Variants in FAM118A observed in about 807,000 individuals in gnomAD.
The protein encoded by FAM118A is protein FAM118A.
Under a neutral mutation model 38.2 loss-of-function variants are expected in FAM118A, and 25 were observed. That is an observed-to-expected ratio of 0.65 (90% confidence interval 0.48 to 0.91). The LOEUF is 0.91. FAM118A is among the 40% of genes least tolerant of loss of function. The pLI is 0.00. For missense variants in FAM118A, 425 were observed against 463.3 expected (o/e 0.92, Z 0.76); for synonymous variants, 178 against 184.1 (o/e 0.97, Z 0.27).
intron 8 of FAM118A, among the ~76,000 whole-genome samples, chr22:45,337,397 T>A (rs918250425): frequency 6.6e-6 from 1 of 152,232 alleles, no homozygotes; most frequent in African/African-American, 2.4e-5. Flanking sequence ...GTGTCCTCAA[T>A]GTCAGGGTCA....
chr22:45,320,571 G>A (rs979251896), intron 1 of FAM118A, among the ~76,000 whole-genome samples: 1 of 151,972 alleles, frequency 6.6e-6, no homozygotes, highest in African/African-American at 2.4e-5. Context: ...AAGTAGCTGG[G>A]ACTACAGATG....
rs183852501 is a variant in FAM118A, at chr22:45,327,898, C to T, written c.357C>T (p.Asp119=). Residue 119 remains aspartate (D), a synonymous_variant, in exon 4 of 9, where the codon GAC becomes GAT. Transcript: ENST00000441876. Reference sequence around the variant, plus strand: ...AGGACTGCCTGATGGAGGTGTTTGACGACCTGGAGCAGCACATCCGGAGTC... The same window carrying T: ...AGGACTGCCTGATGGAGGTGTTTGATGACCTGGAGCAGCACATCCGGAGTC... ...FFQDCLMEVF[D]DLEQHIRSPV... The T allele has an allele frequency of 9.7e-5, 157 of 1,614,232 alleles. 1 individual carries two copies. In the East Asian group the frequency reaches 1.2e-3, roughly 12 times the overall value.
intron 5 of FAM118A, among the ~76,000 whole-genome samples, chr22:45,332,023 T>A (rs771348247): frequency 4.6e-5 from 7 of 152,250 alleles, no homozygotes; most frequent in Non-Finnish European, 7.3e-5. Context: ...AAACATTTAC[T>A]GTCCTCATTT....
chr22:45,332,623 A>G lies in FAM118A; in HGVS notation c.850A>G (p.Lys284Glu). Residue 284 changes from lysine (K) to glutamate (E), a missense_variant, in exon 6 of 9, where the codon AAA becomes GAA. By Grantham distance (56) the Lys-to-Glu change is moderately conservative. Coordinates refer to ENST00000441876, the MANE Select transcript of FAM118A (RefSeq NM_017911.4). ...HQADMLLHGI[K>E]VVSYGDCFDH... ...GGCAGATATGCTTCTGCACGGAATCAAAGTTGTATCCTACGGGGACTGTTT... is the reference window on the plus strand; with the variant it reads ...GGCAGATATGCTTCTGCACGGAATCGAAGTTGTATCCTACGGGGACTGTTT... The G allele has an allele frequency of 1.9e-6, 3 of 1,614,230 alleles. No homozygotes were observed. Among genetic ancestry groups the G allele is most frequent in the Non-Finnish European group, 2.5e-6 (3 of 1,180,038 alleles).
chr22:45,316,643 T>C (rs1164736864), intron 1 of FAM118A, among the ~76,000 whole-genome samples: 1 of 152,190 alleles, frequency 6.6e-6, no homozygotes, highest in Non-Finnish European at 1.5e-5. Context: ...CCACCCTGGC[T>C]ACACTGATTA....
Position 45,330,647 on chromosome 22 carries a change from C to T in FAM118A, c.567C>T (p.His189=). ...GGCACATGAAGTACGGCGTCCTCCA[C>T]ATTCACGGCCTCTACACGGACCCCT... The part of the protein sequence containing the change: ...ARGHMKYGVL[H]IHGLYTDPCG... The change falls in exon 5 of 9, where the codon CAC becomes CAT. Residue 189 remains histidine (H), a synonymous_variant. Transcript: ENST00000441876. 1 of 1,592,294 alleles carries T rather than the reference C, an allele frequency of 6.3e-7. No individual in the cohort carries two copies. The highest frequency in any genetic ancestry group is 1.1e-5 in the South Asian group (1 of 87,672).
In FAM118A at chr22:45,330,594, G is replaced by C; in HGVS notation, c.523-9G>C. 6.5e-7 allele frequency: 1 copy of C among 1,526,828 alleles called. No homozygotes were observed. The highest frequency in any genetic ancestry group is 8.8e-7 in the Non-Finnish European group (1 of 1,140,624). 94.6% of individuals were successfully genotyped at this position (1,526,828 alleles called of 1,614,324 possible). Reference sequence around the variant, plus strand: ...ATGTGTTTCTTTTTCTTGGCTTGATGTTTGGTAGGTCCTTGAATGGGCAAG... The same window carrying C: ...ATGTGTTTCTTTTTCTTGGCTTGATCTTTGGTAGGTCCTTGAATGGGCAAG... On this transcript the variant is annotated splice_polypyrimidine_tract_variant and intron_variant, in intron 4 of 8. Coordinates refer to ENST00000441876, the MANE Select transcript of FAM118A (RefSeq NM_017911.4).
upstream of FAM118A, chr22:45,309,481 G>C (rs1321170316): frequency 6.6e-6 from 1 of 152,408 alleles, no homozygotes; most frequent in Non-Finnish European, 1.5e-5. Flanking sequence ...CTGGGGGACG[G>C]AGACCAGCCT....
At chr22:45,325,889 G>A (rs894121108) in intron 3 of FAM118A, among the ~76,000 whole-genome samples, 4 of 152,138 alleles carry the variant, frequency 2.6e-5, no homozygotes, top group African/African-American at 9.7e-5. Flanking sequence ...ATAGAGCCAG[G>A]TCTCAGGTCG....
chr22:45,330,657 C>G lies in FAM118A; in HGVS notation c.577C>G (p.Leu193Val). 6.3e-7 allele frequency: 1 copy of G among 1,590,302 alleles called. No homozygotes were observed. Among genetic ancestry groups the G allele is most frequent in the South Asian group, 1.1e-5 (1 of 87,378 alleles). ...GTACGGCGTCCTCCACATTCACGGC[C>G]TCTACACGGACCCCTGCGGGGTGGT... ...MKYGVLHIHGLYTDPCGVVLD... is the reference protein window; with the variant it reads ...MKYGVLHIHGVYTDPCGVVLD... The change falls in exon 5 of 9, where the codon CTC becomes GTC. Residue 193 changes from leucine to valine, a missense_variant. Coordinates refer to ENST00000441876, the MANE Select transcript of FAM118A (RefSeq NM_017911.4).
intron 1 of FAM118A, among the ~76,000 whole-genome samples, chr22:45,312,451 TC>T (rs2084412987): frequency 6.6e-6 from 1 of 152,128 alleles, no homozygotes; most frequent in African/African-American, 2.4e-5. Context: ...GGAGGGTAGA[TC>T]ATCTGAGGTC....
At chr22:45,323,568 G>C (rs2085039648) in intron 3 of FAM118A, 141 bp downstream of exon 3, 2 of 1,095,614 alleles carry the variant, frequency 1.8e-6, no homozygotes, top group South Asian at 1.6e-5. Flanking sequence ...AGAAATCCTT[G>C]AGTCCATCGG....
At chr22:45,313,169 A>T (rs1398129745) in intron 1 of FAM118A, among the ~76,000 whole-genome samples, 54 of 152,172 alleles carry the variant, frequency 3.5e-4, no homozygotes, top group Non-Finnish European at 2.9e-5. Context: ...GATGAAGACC[A>T]AGTAGAGATT....
intron 4 of FAM118A, chr22:45,328,668 G>T: frequency 1.7e-6 from 1 of 573,634 alleles, no homozygotes; most frequent in East Asian, 2.9e-5. Context: ...GTGGCACACT[G>T]GCAACTTGGG....
chr22:45,323,045 GT>G (rs2146631459), intron 2 of FAM118A, 129 bp from the exon 3 acceptor site: 1 of 723,618 alleles, frequency 1.4e-6, no homozygotes, highest in Non-Finnish European at 2.1e-6. Context: ...AGGGGACTGT[GT>G]GTGTGTGTGT....
At position 45,332,612 on chromosome 22, in the gene FAM118A, T is replaced by C; in HGVS notation, c.839T>C (p.Leu280Pro). The change falls in exon 6 of 9, where the codon CTG becomes CCG. Residue 280 changes from leucine (L) to proline (P), a missense_variant. Transcript: ENST00000441876. ...HFFKHQADMLLHGIKVVSYGD... is the reference protein window; with the variant it reads ...HFFKHQADMLPHGIKVVSYGD... Reference sequence around the variant, plus strand: ...TTTAAGCATCAGGCAGATATGCTTCTGCACGGAATCAAAGTTGTATCCTAC... The same window carrying C: ...TTTAAGCATCAGGCAGATATGCTTCCGCACGGAATCAAAGTTGTATCCTAC... 5 of 1,614,250 alleles carry C rather than the reference T, an allele frequency of 3.1e-6. No homozygotes were observed. Among genetic ancestry groups the C allele is most frequent in the Non-Finnish European group, 4.2e-6 (5 of 1,180,052 alleles).
At chr22:45,328,419 C>A in intron 4 of FAM118A, 1 of 1,070,752 alleles carries the variant, frequency 9.3e-7, no homozygotes. Context: ...GGGCAGCCTG[C>A]AGGTGTGGGG....
chr22:45,316,603 C>G (rs1270743091), intron 1 of FAM118A, among the ~76,000 whole-genome samples: 1 of 152,112 alleles, frequency 6.6e-6, no homozygotes, highest in Non-Finnish European at 1.5e-5. Context: ...AGATTCTGGC[C>G]TCCTTTAAGG....
chr22:45,315,322 G>A (rs2084557367), intron 1 of FAM118A, among the ~76,000 whole-genome samples: 1 of 152,160 alleles, frequency 6.6e-6, no homozygotes, highest in African/African-American at 2.4e-5. Context: ...GTTAAGTGGA[G>A]TGCGTTCAAA....
Sources: gnomAD v4.1 joint callset for allele counts (sites outside exome capture counted in the v4.1 genomes callset) on GRCh38, gnomAD v4.1.1 for gene constraint, MANE v1.5 for transcripts, NCBI Gene and HGNC (gene_info 2026-07-23, HGNC 2026-07-21) for gene names.